GRM7: variants seen among roughly 807,000 people sequenced by gnomAD.
GRM7 encodes the protein metabotropic glutamate receptor 7.
A neutral mutation model predicts 84.5 loss-of-function variants in GRM7; 35 were observed. The observed-to-expected ratio is 0.41, with a 90% confidence interval of 0.32 to 0.55. GRM7 has a LOEUF of 0.55. Among genes scored for constraint, GRM7 ranks in the 20% least tolerant of loss-of-function variants. The pLI, the probability that GRM7 is intolerant of heterozygous loss-of-function variation, is 0.19. For missense variants in GRM7, 1,003 were observed against 1,194.6 expected, an observed-to-expected ratio of 0.84 and a Z score of 2.36; for synonymous variants, 487 against 455.1, an observed-to-expected ratio of 1.07 and a Z score of -0.89.
intron 8 of GRM7, among the ~76,000 whole-genome samples, chr3:7,665,199 T>A (rs915292903): frequency 1.5e-5 from 2 of 135,158 alleles, no homozygotes; most frequent in African/African-American, 5.6e-5. Context: ...TGAGACGGAG[T>A]CTCACTCTGT....
chr3:6,918,309 C>T (rs1697010648), intron 1 of GRM7, among the ~76,000 whole-genome samples: 1 of 152,166 alleles, frequency 6.6e-6, no homozygotes, highest in Non-Finnish European at 1.5e-5. Flanking sequence ...GAATTTTTGC[C>T]TATCGCCTTG....
chr3:7,620,353 A>T lies in GRM7; in HGVS notation c.2451+40996A>T, dbSNP rs527454461. ...ATCTGGCAAATAAAATAAGAATTTT[A>T]TCTATTTGCTCAACTAAATACAATT... is the stretch of plus-strand genomic sequence containing the variant. On this transcript the variant is annotated intron_variant, in intron 8 of 9. Transcript: ENST00000357716. Among the ~76,000 whole-genome samples, 22 of 152,304 alleles carry T rather than the reference A, an allele frequency of 1.4e-4. No individual in the cohort carries two copies. In the South Asian group the frequency reaches 2.3e-3, roughly 16 times the overall value.
At chr3:6,989,266 A>T (rs1365749987) in intron 1 of GRM7, among the ~76,000 whole-genome samples, 1 of 152,170 alleles carries the variant, frequency 6.6e-6, no homozygotes, top group Non-Finnish European at 1.5e-5. Context: ...TATTTTATGT[A>T]TGTCAACACT....
chr3:7,086,162 A>G (rs994283595), intron 1 of GRM7, among the ~76,000 whole-genome samples: 2 of 152,106 alleles, frequency 1.3e-5, no homozygotes, highest in African/African-American at 4.8e-5. Flanking sequence ...GATTCTAGTT[A>G]CGTTCACTGG....
At chr3:7,556,657 A>C (rs1381530269) in intron 7 of GRM7, among the ~76,000 whole-genome samples, 3 of 152,222 alleles carry the variant, frequency 2.0e-5, no homozygotes, top group Non-Finnish European at 4.4e-5. Flanking sequence ...CGTGGCACTT[A>C]GCAAGGAGAA....
At chr3:7,561,897 G>T (rs960814213) in intron 7 of GRM7, among the ~76,000 whole-genome samples, 3 of 152,074 alleles carry the variant, frequency 2.0e-5, no homozygotes, top group South Asian at 4.1e-4. Context: ...ACTCCACAAG[G>T]CATGGGACAG....
At chr3:7,108,493 A>AT (rs35770215) in intron 1 of GRM7, among the ~76,000 whole-genome samples, 35,456 of 139,824 alleles carry the variant, frequency 0.25, 4,525 homozygotes, top group African/African-American at 0.31. Flanking sequence ...GGACTCAACC[A>AT]TTTTTTTTTT....
intron 2 of GRM7, among the ~76,000 whole-genome samples, chr3:7,256,502 G>A (rs1698206773): frequency 6.6e-6 from 1 of 152,154 alleles, no homozygotes; most frequent in African/African-American, 2.4e-5. Context: ...TATCTGTGTG[G>A]CTTTCTGTTA....
rs115508538 is a variant in GRM7 at position 7,358,465 on chromosome 3, A to G, written c.1033+51813A>G. Among the ~76,000 whole-genome samples the G allele has an allele frequency of 7.4e-3, 1,024 of 138,534 alleles. 123 individuals are homozygous for G. Among genetic ancestry groups the G allele is most frequent in the African/African-American group, 0.028 (968 of 34,898 alleles). The allele number at this position is 138,534 out of a possible 152,430, so 90.9% of individuals were successfully genotyped here. On this transcript the variant is annotated intron_variant, in intron 4 of 9. Transcript: ENST00000357716. ...TCCTAATAATATTTCATGGAACCCTAATGTTAAAATGTCCTGCATTAAAAG... is the reference window on the plus strand; with the variant it reads ...TCCTAATAATATTTCATGGAACCCTGATGTTAAAATGTCCTGCATTAAAAG...
intron 7 of GRM7, among the ~76,000 whole-genome samples, chr3:7,562,429 T>A (rs1406779537): frequency 1.1e-4 from 16 of 152,074 alleles, no homozygotes; most frequent in Non-Finnish European, 4.4e-5. Context: ...AGAGTCATAT[T>A]TGGTTTTTCT....
rs116233517 is a variant in GRM7 at position 7,623,924 on chromosome 3, G to A, written c.2451+44567G>A. On this transcript the variant is annotated intron_variant, in intron 8 of 9. Coordinates refer to ENST00000357716, the MANE Select transcript of GRM7 (RefSeq NM_000844.4). The stretch of plus-strand genomic sequence containing the variant: ...TGTACAAAATTTCCTAGGTGGGTAT[G>A]TGCAGCTCCAGTCAAGAACCTGGCT... Among the ~76,000 whole-genome samples, 680 of 152,264 alleles carry A rather than the reference G, an allele frequency of 4.5e-3. 3 individuals carry two copies. The highest frequency in any genetic ancestry group is 0.015 in the African/African-American group (618 of 41,546).
chr3:7,450,829 G>A (rs969374082), intron 5 of GRM7, among the ~76,000 whole-genome samples: 3 of 151,924 alleles, frequency 2.0e-5, no homozygotes, highest in African/African-American at 7.3e-5. Context: ...ACAACTCTCT[G>A]GCATATGAGA....
chr3:7,713,553 G>T (rs1701666006), intron 9 of GRM7, among the ~76,000 whole-genome samples: 2 of 152,138 alleles, frequency 1.3e-5, no homozygotes, highest in African/African-American at 4.8e-5. Context: ...GTAAATCCAG[G>T]TTCTACCTCC....
At chr3:7,390,152 T>A (rs910059192) in intron 4 of GRM7, among the ~76,000 whole-genome samples, 1 of 152,144 alleles carries the variant, frequency 6.6e-6, no homozygotes, top group African/African-American at 2.4e-5. Context: ...AGCTGGCATT[T>A]TTTTCTTTAA....
At chr3:7,420,926 A>C (rs1696367041) in intron 5 of GRM7, among the ~76,000 whole-genome samples, 1 of 152,200 alleles carries the variant, frequency 6.6e-6, no homozygotes. Context: ...AATGGTCTGA[A>C]TGTCACATCT....
chr3:7,273,142 T>C (rs1698929058), intron 2 of GRM7, among the ~76,000 whole-genome samples: 1 of 152,280 alleles, frequency 6.6e-6, no homozygotes, highest in South Asian at 2.1e-4. Flanking sequence ...TATCCATGTA[T>C]GTTGGTATTT....
At chr3:7,344,820 T>C (rs1499200) in intron 4 of GRM7, among the ~76,000 whole-genome samples, 57,849 of 151,982 alleles carry the variant, frequency 0.38, 11,195 homozygotes, top group South Asian at 0.45. Flanking sequence ...AGCAAAATTA[T>C]AGCTAGAGAG....
At chr3:7,500,647 G>A (rs1699855319) in intron 7 of GRM7, among the ~76,000 whole-genome samples, 1 of 152,242 alleles carries the variant, frequency 6.6e-6, no homozygotes, top group South Asian at 2.1e-4. Flanking sequence ...GGATTGGATT[G>A]TTGTTTGTCA....
At chr3:7,674,904 T>G (rs1226487520) in intron 8 of GRM7, among the ~76,000 whole-genome samples, 1 of 152,214 alleles carries the variant, frequency 6.6e-6, no homozygotes, top group Non-Finnish European at 1.5e-5. Flanking sequence ...AATGGATGAC[T>G]GTACAAGTAG....
Sources: allele counts gnomAD v4.1 joint callset (sites outside exome capture counted in the v4.1 genomes callset), GRCh38; gene constraint gnomAD v4.1.1; transcripts MANE v1.5; gene names NCBI Gene and HGNC (gene_info 2026-07-23, HGNC 2026-07-21).